COA5: variants seen among roughly 807,000 people sequenced by gnomAD.
COA5 encodes the protein cytochrome c oxidase assembly factor 5, also known as protein C2orf64.
A neutral mutation model predicts 11.8 loss-of-function variants in COA5; 11 were observed. The observed-to-expected ratio is 0.93, with a 90% CI of 0.59 to 1.54. COA5 has a LOEUF of 1.54. Among genes scored for constraint, COA5 ranks in the 40% most tolerant of loss-of-function variants. The pLI is 0.00. For synonymous variants in COA5, 38 were observed against 37.5 expected (o/e 1.01, Z -0.05); for missense variants, 87 against 89.2 (o/e 0.97, Z 0.10).
chr2:98,603,111 G>A (rs891524505), intron 2 of COA5, among the ~76,000 whole-genome samples: 3 of 152,156 alleles, frequency 2.0e-5, no homozygotes, highest in Non-Finnish European at 4.4e-5. Context: ...CTTGCAGGTC[G>A]TAAGTATCAG....
At chr2:98,602,531 CCCAGCTACTCGGGAGGCTGAAGCA>C (rs1700654983) in intron 2 of COA5, 1 of 154,560 alleles carries the variant, frequency 6.5e-6, no homozygotes. Context: ...TGCCTGTAGT[CCCAGCTACTCGGGAGGCTGAAGCA>C]CGAGAATCAC....
intron 1 of COA5, chr2:98,605,974 A>G (rs1267036278): frequency 1.3e-5 from 2 of 152,086 alleles, no homozygotes; most frequent in Non-Finnish European, 2.9e-5. Flanking sequence ...CATCCTTACC[A>G]TTACCCTGAG....
At chr2:98,605,198 T>A (rs528314118) in intron 1 of COA5, among the ~76,000 whole-genome samples, 6 of 152,362 alleles carry the variant, frequency 3.9e-5, no homozygotes, top group Admixed American at 3.9e-4. Context: ...CTCTTCCTTT[T>A]TATCCAGCAT....
At position 98,604,188 on chromosome 2, in the gene COA5, C is replaced by G. The variant is rs1328048744; in HGVS notation, c.103G>C (p.Gly35Arg). 6.2e-7 allele frequency: 1 copy of G among 1,611,500 alleles called. No individual in the cohort carries two copies. Among genetic ancestry groups the G allele is most frequent in the African/African-American group, 1.3e-5 (1 of 74,842 alleles). The change falls in exon 2 of 3, where the codon GGA becomes CGA. Residue 35 changes from glycine (G) to arginine (R), a missense_variant. Transcript: ENST00000328709. The part of the protein sequence containing the change: ...LLQSDCVVQE[G>R]KSPRQCLKEG... ...TTCAAACACTGCCGAGGTGATTTTC[C>G]TTCCTATGACAGACACATAAAACAA...
intron 2 of COA5, among the ~76,000 whole-genome samples, chr2:98,601,599 G>A (rs1346218761): frequency 6.6e-6 from 1 of 152,188 alleles, no homozygotes. Flanking sequence ...AGGCAAACTT[G>A]CATAGTCAAT....
chr2:98,601,801 A>G (rs1393465346), intron 2 of COA5, among the ~76,000 whole-genome samples: 5 of 152,154 alleles, frequency 3.3e-5, no homozygotes, highest in African/African-American at 9.7e-5. Context: ...TCTCAGGAGC[A>G]TGAACCCTAC....
chr2:98,608,233 A>G (rs568259400), intron 1 of COA5, 74 bp downstream of exon 1: 1 of 1,165,508 alleles, frequency 8.6e-7, no homozygotes, highest in East Asian at 2.5e-5. Context: ...GCCGCGGGCG[A>G]CCCGCTGCCC....
In COA5 at chr2:98,600,142, A is replaced by G. The variant is rs554891568; in HGVS notation, c.*610T>C. On this transcript the variant is annotated 3_prime_UTR_variant, in exon 3 of 3. Transcript: ENST00000328709. ...CAGACTGAAAATGTAACCAGGAAACAAAAACAGTCCGAAGATGATGGTAAA... is the reference window on the plus strand; with the variant it reads ...CAGACTGAAAATGTAACCAGGAAACGAAAACAGTCCGAAGATGATGGTAAA... 3 of 153,912 alleles carry G rather than the reference A, an allele frequency of 1.9e-5. No individual in the cohort carries two copies. Among genetic ancestry groups the G allele is most frequent in the East Asian group, 3.8e-4 (2 of 5,252 alleles). 9.5% of individuals were successfully genotyped at this position (153,912 alleles called of 1,614,324 possible).
In COA5 at chr2:98,608,308, T is replaced by C. The variant is rs1481199044; in HGVS notation, c.98A>G (p.Gln33Arg). Residue 33 changes from glutamine to arginine, a missense_variant and splice_region_variant, in exon 1 of 3, where the codon CAG becomes CGG. Gln to Arg is a conservative substitution (Grantham distance 43). Transcript: ENST00000328709. ...ACLLQSDCVV[Q>R]EGKSPRQCLK... ...ACCGGGAGCGCCCGGCCGCGCTACC[T>C]GGACCACACAGTCCGACTGCAGCAG... The C allele has an allele frequency of 1.3e-6, 2 of 1,599,866 alleles. No homozygotes were observed. The highest frequency in any genetic ancestry group is 1.7e-6 in the Non-Finnish European group (2 of 1,174,276).
intron 2 of COA5, chr2:98,602,488 A>C (rs942165939): frequency 6.5e-6 from 1 of 153,288 alleles, no homozygotes; most frequent in African/African-American, 2.4e-5. Context: ...ATCTCTACTA[A>C]AAATATAAAA....
Position 98,604,177 on chromosome 2 carries a change from A to G in COA5, c.114T>C (p.Pro38=). 1 of 1,613,630 alleles carries G rather than the reference A, an allele frequency of 6.2e-7. No homozygotes were observed. Among genetic ancestry groups the G allele is most frequent in the Non-Finnish European group, 8.5e-7 (1 of 1,179,620 alleles). The change falls in exon 2 of 3, where the codon CCT becomes CCC. Residue 38 remains proline (P), a synonymous_variant. Transcript: ENST00000328709. ...AGTATCCTTCCTTCAAACACTGCCG[A>G]GGTGATTTTCCTTCCTATGACAGAC... ...SDCVVQEGKS[P]RQCLKEGYCN...
In COA5 at chr2:98,600,207, G is replaced by T. The variant is rs533930540; in HGVS notation, c.*545C>A. 6.3e-6 allele frequency: 1 copy of T among 159,232 alleles called. No homozygotes were observed. Among genetic ancestry groups the T allele is most frequent in the East Asian group, 1.8e-4 (1 of 5,644 alleles). 9.9% of individuals were successfully genotyped at this position (159,232 alleles called of 1,614,324 possible). The stretch of plus-strand genomic sequence containing the variant: ...CAATCTGGGGCCTAGCATCAGCTAT[G>T]CCTGTGGACGCTATTAAAGTGCTGA... On this transcript the variant is annotated 3_prime_UTR_variant, in exon 3 of 3. Coordinates refer to ENST00000328709, the MANE Select transcript of COA5 (RefSeq NM_001008215.3).
At chr2:98,603,750 T>C (rs13413991) in intron 2 of COA5, among the ~76,000 whole-genome samples, 1 of 152,312 alleles carries the variant, frequency 6.6e-6, no homozygotes, top group African/African-American at 2.4e-5. Context: ...AAGGCACAAA[T>C]GTATACACCT....
Position 98,608,445 on chromosome 2 carries a change from A to T in COA5, c.-40T>A. ...TCCGATGCGGACGCGACTTTCTCCC[A>T]CCGCAACACTTGCAACCGGGTCGGG... On this transcript the variant is annotated 5_prime_UTR_variant, in exon 1 of 3. Coordinates refer to ENST00000328709, the MANE Select transcript of COA5 (RefSeq NM_001008215.3). 2.1e-6 allele frequency: 3 copies of T among 1,455,958 alleles called. No homozygotes were observed. Among genetic ancestry groups the T allele is most frequent in the Middle Eastern group, 1.7e-4 (1 of 5,844 alleles). The allele number at this position is 1,455,958 out of a possible 1,614,324, so 90.2% of individuals were successfully genotyped here. A position where few individuals can be genotyped will look rare whatever the true frequency, so the allele number is the denominator to read the frequency against.
At chr2:98,601,073 A>T (rs771420154) in intron 2 of COA5, among the ~76,000 whole-genome samples, 2 of 152,030 alleles carry the variant, frequency 1.3e-5, no homozygotes, top group Non-Finnish European at 2.9e-5. Flanking sequence ...GTGAAACCCC[A>T]TCTCTACTAA....
At chr2:98,607,697 C>A (rs1700727866) in intron 1 of COA5, among the ~76,000 whole-genome samples, 1 of 152,218 alleles carries the variant, frequency 6.6e-6, no homozygotes, top group African/African-American at 2.4e-5. Flanking sequence ...TGTTTCAGTG[C>A]ATTCCAAGAG....
chr2:98,602,834 G>A (rs1700659350), intron 2 of COA5, among the ~76,000 whole-genome samples: 1 of 152,164 alleles, frequency 6.6e-6, no homozygotes, highest in South Asian at 2.1e-4. Context: ...GTTCTTTGGA[G>A]ATCGAAGACT....
intron 2 of COA5, 89 bp from the exon 3 acceptor site, chr2:98,600,882 G>T: frequency 2.4e-6 from 2 of 834,554 alleles, no homozygotes; most frequent in East Asian, 2.6e-5. Flanking sequence ...CCGCATGAGA[G>T]AAATAAACCA....
intron 2 of COA5, among the ~76,000 whole-genome samples, chr2:98,603,853 C>T (rs2106593204): frequency 6.6e-6 from 1 of 152,340 alleles, no homozygotes. Context: ...CCTGCCGAGA[C>T]TTCATTCTCA....
Sources: gnomAD v4.1 joint callset for allele counts (sites outside exome capture counted in the v4.1 genomes callset) on GRCh38, gnomAD v4.1.1 for gene constraint, MANE v1.5 for transcripts, NCBI Gene and HGNC (gene_info 2026-07-23, HGNC 2026-07-21) for gene names.